LARGE2: variants seen among roughly 807,000 people sequenced by gnomAD.
LARGE2 encodes the protein LARGE xylosyl- and glucuronyltransferase 2.
Under a neutral mutation model 75.3 loss-of-function variants are expected in LARGE2, and 63 were observed. The ratio of observed to expected loss-of-function variants is 0.84; its 90% CI spans 0.68 to 1.03. The LOEUF is 1.03. Among genes scored for constraint, LARGE2 ranks in the 50% least tolerant of loss-of-function variants. LARGE2 has a pLI of 0.00. For missense variants in LARGE2, 925 were observed against 980.6 expected, an observed-to-expected ratio of 0.94 and a Z score of 0.76; for synonymous variants, 428 against 420.1, an observed-to-expected ratio of 1.02 and a Z score of -0.23.
chr11:45,923,055 C>G lies in LARGE2; in HGVS notation c.173C>G (p.Pro58Arg). Residue 58 changes from proline (P) to arginine (R), a missense_variant, in exon 2 of 14, where the codon CCA becomes CGA. By Grantham distance (103) the Pro-to-Arg change is moderately radical. Around this residue, in one of 3 missense-constraint regions of LARGE2, gnomAD observed 453 missense variants for 460.2 expected, o/e 0.98. Transcript: ENST00000401752. ...FPGPLMPRVP[P>R]DGRLRRAAAL... ...GGCCCGCTCATGCCACGTGTCCCCC[C>G]AGACGGGAGGCTGCGGAGAGCCGCC... 1 of 1,418,136 alleles carries G rather than the reference C, an allele frequency of 7.1e-7. No homozygotes were observed. The highest frequency in any genetic ancestry group is 1.5e-5 in the South Asian group (1 of 68,046). 87.8% of individuals were successfully genotyped at this position (1,418,136 alleles called of 1,614,324 possible). A position where few individuals can be genotyped will look rare whatever the true frequency, so the allele number is the denominator to read the frequency against.
In LARGE2 at chr11:45,928,890, A is replaced by C; in HGVS notation, c.*45A>C. On this transcript the variant is annotated 3_prime_UTR_variant, in exon 14 of 14. Coordinates refer to ENST00000401752, the MANE Select transcript of LARGE2 (RefSeq NM_001300721.2). ...CTCATCTTAGCATTGGGCAGACACC[A>C]GGGCAACCTGCCCTCCGCCATCCCT... 1 of 1,607,280 alleles carries C rather than the reference A, an allele frequency of 6.2e-7. No individual in the cohort carries two copies. Among genetic ancestry groups the C allele is most frequent in the Non-Finnish European group, 8.5e-7 (1 of 1,177,154 alleles).
chr11:45,926,955 A>G, intron 10 of LARGE2, 84 bp downstream of exon 10: 1 of 1,388,906 alleles, frequency 7.2e-7, no homozygotes. Flanking sequence ...TGGCAGCCTG[A>G]TGCTGTGGTA....
At position 45,926,141 on chromosome 11, in the gene LARGE2, T is replaced by C; in HGVS notation, c.872T>C (p.Leu291Pro). The C allele has an allele frequency of 6.3e-7, 1 of 1,586,910 alleles. No homozygotes were observed. The highest frequency in any genetic ancestry group is 8.6e-7 in the Non-Finnish European group (1 of 1,166,422). Reference sequence around the variant, plus strand: ...CTCCTTAGCCTGCCTGCCACCTCACTGGCTGACCAGGTCTGAGGAAGCCTT... The same window carrying C: ...CTCCTTAGCCTGCCTGCCACCTCACCGGCTGACCAGGTCTGAGGAAGCCTT... ...RELLSLPATS[L>P]ADQDIFNAVI... Residue 291 changes from leucine (L) to proline (P), a missense_variant, in exon 7 of 14, where the codon CTG (leucine) becomes CCG (proline). By Grantham distance (98) the Leu-to-Pro change is moderately conservative. Transcript: ENST00000401752.
chr11:45,926,766 A>G lies in LARGE2; in HGVS notation c.1220A>G (p.Gln407Arg), dbSNP rs999531167. 17 of 1,613,550 alleles carry G rather than the reference A, an allele frequency of 1.1e-5. No homozygotes were observed. In the South Asian group the frequency reaches 1.4e-4, roughly 14 times the overall value. The change falls in exon 10 of 14, where the codon CAG becomes CGG. Residue 407 changes from glutamine to arginine, a missense_variant. Physicochemically the swap from Gln to Arg is conservative, Grantham distance 43. Around this residue, in one of 3 missense-constraint regions of LARGE2, gnomAD observed 469 missense variants for 503.8 expected, o/e 0.93. Coordinates refer to ENST00000401752, the MANE Select transcript of LARGE2 (RefSeq NM_001300721.2). ...GAAGACCCCTGCTTTGAGTTCCGGC[A>G]GCAGCAGCTCACTGTGCACCGTGTG... The part of the protein sequence containing the change: ...DEEDPCFEFR[Q>R]QQLTVHRVHV...
chr11:45,923,236 C>A (rs912888764), intron 2 of LARGE2, 69 bp downstream of exon 2: 2 of 1,312,516 alleles, frequency 1.5e-6, no homozygotes, highest in Admixed American at 7.8e-5. Context: ...TCTTGGACAT[C>A]TGCGGGAATC....
chr11:45,921,740 TGCTTC>T (rs1232996167), upstream of LARGE2: 6 of 152,266 alleles, frequency 3.9e-5, no homozygotes, highest in East Asian at 1.2e-3. Flanking sequence ...GCAAGAAAGC[TGCTTC>T]TGCAGCGCAG....
chr11:45,922,311 C>A (rs1052547154), upstream of LARGE2, among the ~76,000 whole-genome samples: 1 of 152,148 alleles, frequency 6.6e-6, no homozygotes, highest in African/African-American at 2.4e-5. Flanking sequence ...TCCCTCGTGT[C>A]GAGCTCCCGC....
intron 11 of LARGE2, 126 bp from the exon 12 acceptor site, chr11:45,927,794 C>A: frequency 6.7e-7 from 1 of 1,491,994 alleles, no homozygotes; most frequent in Non-Finnish European, 9.2e-7. Flanking sequence ...GTGGTTGTGC[C>A]CACCCGTCGC....
chr11:45,923,458 G>A lies in LARGE2; in HGVS notation c.286-15G>A, dbSNP rs754884955. ...GAGAAGGGGGGCTGCTGCCGACCTG[G>A]GCGTCCCTCCCCAGCTCTTGCATGT... On this transcript the variant is annotated splice_polypyrimidine_tract_variant and intron_variant, in intron 2 of 13. Coordinates refer to ENST00000401752, the MANE Select transcript of LARGE2 (RefSeq NM_001300721.2). The A allele has an allele frequency of 1.2e-6, 2 of 1,612,360 alleles. No homozygotes were observed. The highest frequency in any genetic ancestry group is 2.2e-5 in the East Asian group (1 of 44,862).
intron 2 of LARGE2, 151 bp from the exon 3 acceptor site, chr11:45,923,322 C>A: frequency 9.4e-7 from 1 of 1,062,266 alleles, no homozygotes; most frequent in Non-Finnish European, 1.3e-6. Context: ...CTGCTCCCGA[C>A]CTCATTTCCC....
chr11:45,926,169 C>T lies in LARGE2; in HGVS notation c.882+18C>T, dbSNP rs377283060. Reference sequence around the variant, plus strand: ...CTGACCAGGTCTGAGGAAGCCTTGCCGGGTGGGGTGTGGCAGGCTGGGGGC... The same window carrying T: ...CTGACCAGGTCTGAGGAAGCCTTGCTGGGTGGGGTGTGGCAGGCTGGGGGC... On this transcript the variant is annotated intron_variant, in intron 7 of 13. Transcript: ENST00000401752. 91 of 1,604,278 alleles carry T rather than the reference C, an allele frequency of 5.7e-5. 1 individual carries two copies. The East Asian group carries it at 1.4e-3, about 24-fold the overall frequency.
Position 45,926,688 on chromosome 11 carries a change from C to T in LARGE2, c.1165-23C>T, listed in dbSNP as rs778117500. The T allele has an allele frequency of 3.7e-6, 6 of 1,611,738 alleles. No homozygotes were observed. The East Asian group carries it at 1.3e-4, about 36-fold the overall frequency. On this transcript the variant is annotated intron_variant, in intron 9 of 13. Coordinates refer to ENST00000401752, the MANE Select transcript of LARGE2 (RefSeq NM_001300721.2). ...GTGTTGTTCTGCCCTATCCCCGGTC[C>T]TTGTCACCCCTTGCCCCCTCAGTTG...
rs773211853 is a variant in LARGE2, at chr11:45,927,939, G to A, written c.1624G>A (p.Gly542Arg). Residue 542 changes from glycine (G) to arginine (R), a missense_variant, in exon 12 of 14, where the codon GGG (glycine) becomes AGG (arginine). Around this residue, in one of 3 missense-constraint regions of LARGE2, gnomAD observed 469 missense variants for 503.8 expected, o/e 0.93. Coordinates refer to ENST00000401752, the MANE Select transcript of LARGE2 (RefSeq NM_001300721.2). ...CCTCAGGGCCTCCATTGAGCAGCTGGGGCTGGGCAGCCGGCGCAAGGCAGC... is the reference window on the plus strand; with the variant it reads ...CCTCAGGGCCTCCATTGAGCAGCTGAGGCTGGGCAGCCGGCGCAAGGCAGC... Reference protein sequence around the residue: ...DYLRASIEQLGLGSRRKAALV... With the variant: ...DYLRASIEQLRLGSRRKAALV... 1.9e-6 allele frequency: 3 copies of A among 1,613,458 alleles called. No individual in the cohort carries two copies. In the South Asian group the frequency reaches 3.3e-5, roughly 18 times the overall value.
Position 45,928,078 on chromosome 11 carries a change from GGCTACTTCTCT to G in LARGE2, c.1754+12_1754+22del. 1 of 1,613,484 alleles carries G rather than the reference GGCTACTTCTCT, an allele frequency of 6.2e-7. No homozygotes were observed. The highest frequency in any genetic ancestry group is 1.7e-5 in the Admixed American group (1 of 60,004). On this transcript the variant is annotated intron_variant, in intron 12 of 13. Coordinates refer to ENST00000401752, the MANE Select transcript of LARGE2 (RefSeq NM_001300721.2). ...ACTCTCTACACCTTCAGGTAGGAGA[GGCTACTTCTCT>G]GCCCACTCCACTCACTTGCCCACAC...
At position 45,923,056 on chromosome 11, in the gene LARGE2, A is replaced by G. The variant is rs1423924630; in HGVS notation, c.174A>G (p.Pro58=). Residue 58 remains proline (P), a synonymous_variant, in exon 2 of 14, where the codon CCA becomes CCG. Transcript: ENST00000401752. ...FPGPLMPRVP[P]DGRLRRAAAL... ...GCCCGCTCATGCCACGTGTCCCCCC[A>G]GACGGGAGGCTGCGGAGAGCCGCCG... 5.6e-6 allele frequency: 8 copies of G among 1,417,946 alleles called. No individual in the cohort carries two copies. The highest frequency in any genetic ancestry group is 2.8e-5 in the Admixed American group (1 of 35,648). The allele number at this position is 1,417,946 out of a possible 1,614,324, so 87.8% of individuals were successfully genotyped here.
chr11:45,928,205 C>G lies in LARGE2; in HGVS notation c.1783C>G (p.Pro595Ala), dbSNP rs1424075444. Residue 595 changes from proline (P) to alanine (A), a missense_variant, in exon 13 of 14, where the codon CCC (proline) becomes GCC (alanine). Pro to Ala is a conservative substitution (Grantham distance 27, BLOSUM62 -1). Coordinates refer to ENST00000401752, the MANE Select transcript of LARGE2 (RefSeq NM_001300721.2). ...CCACGAGTGGCCCCGAGGCCACGCA[C>G]CCACAGACTATGCCCGCTGGCGGGA... ...RYHEWPRGHA[P>A]TDYARWREAQ... 2 of 1,613,896 alleles carry G rather than the reference C, an allele frequency of 1.2e-6. No individual in the cohort carries two copies. Among genetic ancestry groups the G allele is most frequent in the Non-Finnish European group, 1.7e-6 (2 of 1,180,036 alleles).
At position 45,924,294 on chromosome 11, in the gene LARGE2, TC is replaced by T. The variant is rs766518792; in HGVS notation, c.492+23del. The T allele has an allele frequency of 6.2e-6, 10 of 1,611,216 alleles. No individual in the cohort carries two copies. The highest frequency in any genetic ancestry group is 3.3e-4 in the Middle Eastern group (2 of 6,046). ...CAGCTCAAGGCAGGGGCCCAGCCCT[TC>T]CCCCCTCCCCTCAGCTGTGTCCACC... On this transcript the variant is annotated intron_variant, in intron 4 of 13. Transcript: ENST00000401752.
Position 45,927,362 on chromosome 11 carries a change from G to T in LARGE2, c.1373G>T (p.Ser458Ile), listed in dbSNP as rs1357600714. ...ALCRHWPGPMSLALYLTDAEA... is the reference protein window; with the variant it reads ...ALCRHWPGPMILALYLTDAEA... ...TGCAGGCACTGGCCTGGCCCCATGAGCCTGGCCTTGTACCTGACAGACGCA... is the reference window on the plus strand; with the variant it reads ...TGCAGGCACTGGCCTGGCCCCATGATCCTGGCCTTGTACCTGACAGACGCA... Residue 458 changes from serine to isoleucine, a missense_variant, in exon 11 of 14, where the codon AGC (serine) becomes ATC (isoleucine). By Grantham distance (142) the Ser-to-Ile change is moderately radical. Coordinates refer to ENST00000401752, the MANE Select transcript of LARGE2 (RefSeq NM_001300721.2). 3 of 1,613,914 alleles carry T rather than the reference G, an allele frequency of 1.9e-6. No homozygotes were observed. The highest frequency in any genetic ancestry group is 2.5e-6 in the Non-Finnish European group (3 of 1,180,024).
At chr11:45,928,578 C>T in intron 13 of LARGE2, 52 bp from the exon 14 acceptor site, 3 of 1,588,104 alleles carry the variant, frequency 1.9e-6, no homozygotes, top group Non-Finnish European at 1.7e-6. Flanking sequence ...CTGCACCTTC[C>T]CCGCAGGCCA....
Sources: gnomAD v4.1 joint callset for allele counts (sites outside exome capture counted in the v4.1 genomes callset) on GRCh38, gnomAD v4.1.1 for gene constraint, gnomAD v4.1.1 regional missense constraint, MANE v1.5 for transcripts, NCBI Gene and HGNC (gene_info 2026-07-23, HGNC 2026-07-21) for gene names.